The following SPAG16 variants were observed in gnomAD, a reference collection of about 807,000 sequenced individuals.
SPAG16 encodes the protein sperm associated antigen 16.
SPAG16 carries 86 observed loss-of-function variants against 80.4 expected under a neutral mutation model. That is an observed-to-expected ratio of 1.07 (90% confidence interval 0.90 to 1.28). The LOEUF (loss-of-function observed/expected upper bound fraction) is 1.28. Ranked by LOEUF, SPAG16 falls within the 50% of genes most tolerant of loss-of-function variation. SPAG16 has a pLI of 0.00. For synonymous variants in SPAG16, 294 were observed against 265.9 expected (o/e 1.11, Z -1.03); for missense variants, 870 against 765.3 (o/e 1.14, Z -1.61).
chr2:214,170,250 A>G lies in SPAG16; in HGVS notation c.1720+20984A>G, dbSNP rs62197913. Among the ~76,000 whole-genome samples, 164 of 100,040 alleles carry G rather than the reference A, an allele frequency of 1.6e-3. 1 individual carries two copies. The highest frequency in any genetic ancestry group is 7.3e-3 in the South Asian group (21 of 2,888). 65.6% of individuals were successfully genotyped at this position (100,040 alleles called of 152,430 possible). ...CGTATACACACACACTTAGGTGTGT[A>G]TACATATACACACACACTTAGGTGT... On this transcript the variant is annotated intron_variant, in intron 15 of 15. Coordinates refer to ENST00000331683, the MANE Select transcript of SPAG16 (RefSeq NM_024532.5).
In SPAG16 at chr2:213,546,627, G is replaced by A. The variant is rs1289463935; in HGVS notation, c.1070+56537G>A. The stretch of plus-strand genomic sequence containing the variant: ...ATATGAGAATTGGAGTTAGTGGTAA[G>A]TGCTATGAAGAAAAACATAGGAGAT... On this transcript the variant is annotated intron_variant, in intron 10 of 15. Coordinates refer to ENST00000331683, the MANE Select transcript of SPAG16 (RefSeq NM_024532.5). Among the ~76,000 whole-genome samples the A allele has an allele frequency of 1.3e-5, 2 of 152,076 alleles. 1 individual carries two copies.
chr2:213,582,281 G>T (rs996737652), intron 10 of SPAG16, among the ~76,000 whole-genome samples: 2 of 151,896 alleles, frequency 1.3e-5, no homozygotes, highest in African/African-American at 2.4e-5. Flanking sequence ...AAGTTATTTT[G>T]TAACATCATC....
At chr2:214,324,745 A>G (rs1696352033) in intron 15 of SPAG16, among the ~76,000 whole-genome samples, 1 of 151,576 alleles carries the variant, frequency 6.6e-6, no homozygotes, top group South Asian at 2.1e-4. Context: ...CTCCTCCTCT[A>G]CTAACTCCAT....
chr2:213,769,460 G>A (rs968317284), intron 10 of SPAG16, among the ~76,000 whole-genome samples: 23 of 152,170 alleles, frequency 1.5e-4, no homozygotes, highest in African/African-American at 5.3e-4. Context: ...ATTGGTGACA[G>A]CGTTATCAGA....
intron 9 of SPAG16, among the ~76,000 whole-genome samples, chr2:213,386,390 C>T (rs1244130193): frequency 2.6e-5 from 4 of 152,114 alleles, no homozygotes; most frequent in African/African-American, 9.7e-5. Flanking sequence ...TATCCCTAAC[C>T]TCCTATTGCA....
chr2:213,597,463 G>T (rs758007147), intron 10 of SPAG16, among the ~76,000 whole-genome samples: 13 of 152,030 alleles, frequency 8.6e-5, no homozygotes, highest in Non-Finnish European at 1.6e-4. Flanking sequence ...TTATTTAACA[G>T]TTATCATAAA....
chr2:213,383,164 G>A (rs766554841), intron 9 of SPAG16, among the ~76,000 whole-genome samples: 41 of 151,986 alleles, frequency 2.7e-4, no homozygotes, highest in Non-Finnish European at 5.4e-4. Context: ...GTTGGATCTG[G>A]CAACCTCCTT....
intron 14 of SPAG16, among the ~76,000 whole-genome samples, chr2:214,144,388 AG>A (rs1402382582): frequency 1.3e-5 from 2 of 151,690 alleles, no homozygotes; most frequent in Admixed American, 1.3e-4. Flanking sequence ...ATGTAACCAC[AG>A]TTTGGCATAA....
intron 15 of SPAG16, among the ~76,000 whole-genome samples, chr2:214,216,572 G>T (rs537091824): frequency 6.6e-6 from 1 of 152,072 alleles, no homozygotes; most frequent in Non-Finnish European, 1.5e-5. Context: ...TGCCCGCCTC[G>T]GCCTCCCAAA....
chr2:214,315,680 C>T (rs537053005), intron 15 of SPAG16, among the ~76,000 whole-genome samples: 162 of 152,114 alleles, frequency 1.1e-3, no homozygotes, highest in African/African-American at 3.7e-3. Context: ...TACAGGCGTG[C>T]GCCATCATGC....
At chr2:213,373,070 A>G (rs923048726) in intron 8 of SPAG16, among the ~76,000 whole-genome samples, 14 of 152,174 alleles carry the variant, frequency 9.2e-5, no homozygotes, top group Admixed American at 8.5e-4. Flanking sequence ...GACTTTACCT[A>G]AGTAAAATTT....
chr2:214,279,675 TG>T (rs1428691329), intron 15 of SPAG16, among the ~76,000 whole-genome samples: 3 of 152,188 alleles, frequency 2.0e-5, no homozygotes, highest in Non-Finnish European at 4.4e-5. Context: ...AGGACATGCA[TG>T]TGAGGAAACT....
intron 15 of SPAG16, among the ~76,000 whole-genome samples, chr2:214,257,423 G>A (rs1245937370): frequency 6.6e-6 from 1 of 151,950 alleles, no homozygotes; most frequent in Admixed American, 6.6e-5. Context: ...GAATAGAAAT[G>A]ATGTGAATAG....
intron 10 of SPAG16, among the ~76,000 whole-genome samples, chr2:213,710,761 C>A (rs1201716366): frequency 2.0e-5 from 3 of 152,152 alleles, no homozygotes; most frequent in African/African-American, 7.2e-5. Flanking sequence ...TGTTAGGAGT[C>A]CATATTAAGG....
At chr2:213,311,944 A>G (rs921529975) in intron 4 of SPAG16, among the ~76,000 whole-genome samples, 2 of 151,492 alleles carry the variant, frequency 1.3e-5, no homozygotes, top group Admixed American at 6.6e-5. Flanking sequence ...GTAAAATTTG[A>G]TATAGGTTCT....
At chr2:214,176,025 T>C (rs950638853) in intron 15 of SPAG16, among the ~76,000 whole-genome samples, 1 of 151,528 alleles carries the variant, frequency 6.6e-6, no homozygotes, top group African/African-American at 2.4e-5. Context: ...TTACTGCTTA[T>C]AAATAAAATT....
chr2:213,684,495 A>C (rs1349454438), intron 10 of SPAG16, among the ~76,000 whole-genome samples: 1 of 152,324 alleles, frequency 6.6e-6, no homozygotes, highest in East Asian at 1.9e-4. Flanking sequence ...TCTAATGTTC[A>C]CATATTAGAA....
chr2:213,499,789 TC>T (rs890689827), intron 10 of SPAG16, among the ~76,000 whole-genome samples: 36 of 152,204 alleles, frequency 2.4e-4, no homozygotes, highest in African/African-American at 8.7e-4. Context: ...CAAAAGAGGA[TC>T]CCTTTTTTTC....
At chr2:213,428,602 G>A (rs914155819) in intron 9 of SPAG16, among the ~76,000 whole-genome samples, 4 of 152,164 alleles carry the variant, frequency 2.6e-5, no homozygotes, top group African/African-American at 7.2e-5. Flanking sequence ...CCAGCTGTGG[G>A]CATTTTAATA....
Sources: gnomAD v4.1 joint callset for allele counts (sites outside exome capture counted in the v4.1 genomes callset) on GRCh38, gnomAD v4.1.1 for gene constraint, MANE v1.5 for transcripts, NCBI Gene and HGNC (gene_info 2026-07-23, HGNC 2026-07-21) for gene names.